The following UBE2E1 variants were observed in gnomAD, a reference collection of about 807,000 sequenced individuals.
UBE2E1 encodes the protein ubiquitin conjugating enzyme E2 E1.
Under a neutral mutation model 21.4 loss-of-function variants are expected in UBE2E1, and 6 were observed. The observed-to-expected ratio is 0.28, with a 90% CI of 0.15 to 0.55. The LOEUF is 0.55. Among genes scored for constraint, UBE2E1 ranks in the 20% least tolerant of loss-of-function variants. The probability of loss-of-function intolerance (pLI) is 0.93; values close to 1 mark genes in which losing one functional copy is unlikely to be tolerated. For synonymous variants in UBE2E1, 87 were observed against 82.7 expected, an observed-to-expected ratio of 1.05 and a Z score of -0.28; for missense variants, 142 against 236.5, an observed-to-expected ratio of 0.60 and a Z score of 2.62.
At chr3:23,878,917 C>A (rs1296158156) in intron 3 of UBE2E1, 4 of 358,868 alleles carry the variant, frequency 1.1e-5, no homozygotes, top group East Asian at 7.1e-5. Flanking sequence ...TCCCACCCCC[C>A]ATCTGTGGAA....
chr3:23,829,551 C>T (rs1187070559), intron 3 of UBE2E1, among the ~76,000 whole-genome samples: 2 of 152,110 alleles, frequency 1.3e-5, no homozygotes, highest in Non-Finnish European at 2.9e-5. Context: ...GTCCTTCTGC[C>T]TCAACCTCCC....
At chr3:23,838,986 T>G (rs1347316678) in intron 3 of UBE2E1, among the ~76,000 whole-genome samples, 6 of 152,016 alleles carry the variant, frequency 3.9e-5, no homozygotes, top group Non-Finnish European at 7.4e-5. Flanking sequence ...CTTTATAGAA[T>G]ACATCTTTAG....
In UBE2E1 at chr3:23,863,431, C is replaced by T. The variant is rs1203994553; in HGVS notation, c.204-24136C>T. Among the ~76,000 whole-genome samples, 2 of 152,142 alleles carry T rather than the reference C, an allele frequency of 1.3e-5. No homozygotes were observed. The highest frequency in any genetic ancestry group is 2.4e-5 in the African/African-American group (1 of 41,412). ...CCTCTGTGCCCTTCCCTACCCACTA[C>T]ATATATATACTTGTCACAAATTCAA... is the stretch of plus-strand genomic sequence containing the variant. On this transcript the variant is annotated intron_variant, in intron 3 of 5. Transcript: ENST00000306627. This position sits in a 1 kb window ranked among gnomAD's most constrained non-coding sequence, Gnocchi z 4.3.
intron 3 of UBE2E1, among the ~76,000 whole-genome samples, chr3:23,852,233 C>T (rs903359868): frequency 6.6e-6 from 1 of 152,144 alleles, no homozygotes; most frequent in African/African-American, 2.4e-5. Context: ...ACAAAATGGA[C>T]TAACACATGA....
At chr3:23,877,699 A>G (rs1052362423) in intron 3 of UBE2E1, among the ~76,000 whole-genome samples, 1 of 152,172 alleles carries the variant, frequency 6.6e-6, no homozygotes. Context: ...ACTTTATGTA[A>G]GTGACATAGA....
At position 23,816,423 on chromosome 3, in the gene UBE2E1, T is replaced by C. The variant is rs891782749; in HGVS notation, c.203+4913T>C. Among the ~76,000 whole-genome samples, 1 of 152,162 alleles carries C rather than the reference T, an allele frequency of 6.6e-6. No individual in the cohort carries two copies. The highest frequency in any genetic ancestry group is 6.5e-5 in the Admixed American group (1 of 15,274). On this transcript the variant is annotated intron_variant, in intron 3 of 5. Transcript: ENST00000306627. The surrounding 1 kb of genome is among the most constrained non-coding windows in gnomAD (Gnocchi z 4.8). ...GGTTGAACCTTAATGTTATACTAAG[T>C]GGGCTGGGCGCAGTGGATTACGCTT...
intron 4 of UBE2E1, 99 bp from the exon 5 acceptor site, chr3:23,889,013 A>C: frequency 8.0e-7 from 1 of 1,257,372 alleles, no homozygotes; most frequent in Non-Finnish European, 1.1e-6. Flanking sequence ...AGCTTTAATT[A>C]AAACTGCTTT....
chr3:23,858,991 A>T (rs960003678), intron 3 of UBE2E1, among the ~76,000 whole-genome samples: 1 of 151,400 alleles, frequency 6.6e-6, no homozygotes, highest in African/African-American at 2.4e-5. Flanking sequence ...ACAGTCCCCC[A>T]CCCCCCAATT....
intron 3 of UBE2E1, among the ~76,000 whole-genome samples, chr3:23,833,982 A>T (rs982328748): frequency 6.6e-6 from 1 of 152,204 alleles, no homozygotes; most frequent in Non-Finnish European, 1.5e-5. Context: ...CTGTCTCAAA[A>T]AAAAATAAAA....
At position 23,806,996 on chromosome 3, in the gene UBE2E1, A is replaced by C; in HGVS notation, c.-33-241A>C. 7 of 269,650 alleles carry C rather than the reference A, an allele frequency of 2.6e-5. No homozygotes were observed. The highest frequency in any genetic ancestry group is 2.2e-5 in the African/African-American group (1 of 45,238). 16.7% of individuals were successfully genotyped at this position (269,650 alleles called of 1,614,324 possible). A position where few individuals can be genotyped will look rare whatever the true frequency, so the allele number is the denominator to read the frequency against. On this transcript the variant is annotated intron_variant, in intron 1 of 5. Coordinates refer to ENST00000306627, the MANE Select transcript of UBE2E1 (RefSeq NM_003341.5). The surrounding 1 kb of genome is among the most constrained non-coding windows in gnomAD (Gnocchi z 6.5). ...AGCGGAGAGCCCCGGGGGGCGAGGG[A>C]GGGGCCTCTCTCCTAGCTCCAGACC...
At chr3:23,862,775 GCATGTAGTGGTGC>G (rs1470433981) in intron 3 of UBE2E1, among the ~76,000 whole-genome samples, 2 of 151,868 alleles carry the variant, frequency 1.3e-5, no homozygotes, top group African/African-American at 4.8e-5. Flanking sequence ...ACCCAGGTTG[GCATGTAGTGGTGC>G]CATCACGGCT....
chr3:23,850,681 G>GTTTTTTTT (rs550418701), intron 3 of UBE2E1, among the ~76,000 whole-genome samples: 2 of 104,320 alleles, frequency 1.9e-5, no homozygotes, highest in Non-Finnish European at 2.0e-5. Context: ...ACACCTGATT[G>GTTTTTTTT]TTTTTTTTTT....
intron 3 of UBE2E1, among the ~76,000 whole-genome samples, chr3:23,874,361 G>A (rs1235578805): frequency 6.6e-6 from 1 of 152,162 alleles, no homozygotes; most frequent in African/African-American, 2.4e-5. Context: ...GTCTGAACAA[G>A]ATGCTCTGCT....
chr3:23,867,602 G>A (rs1244570337), intron 3 of UBE2E1, among the ~76,000 whole-genome samples: 1 of 152,080 alleles, frequency 6.6e-6, no homozygotes, highest in African/African-American at 2.4e-5. Flanking sequence ...TCCTGTGTGG[G>A]CTCTCCGGTC....
At chr3:23,815,604 C>T (rs1699498127) in intron 3 of UBE2E1, among the ~76,000 whole-genome samples, 1 of 152,104 alleles carries the variant, frequency 6.6e-6, no homozygotes, top group Non-Finnish European at 1.5e-5. Context: ...AATGAGATGT[C>T]AGTTCAGAAG....
intron 3 of UBE2E1, among the ~76,000 whole-genome samples, chr3:23,819,324 CA>C (rs1484949416): frequency 9.9e-5 from 15 of 151,948 alleles, no homozygotes; most frequent in African/African-American, 3.6e-4. Context: ...GCTAGAGAGG[CA>C]GATGTAATGT....
rs369690021 is a variant in UBE2E1, at chr3:23,817,421, C to CAAA, written c.203+5926_203+5928dup. On this transcript the variant is annotated intron_variant, in intron 3 of 5. Transcript: ENST00000306627. ...TGGTTGACAGAGTGAGACTCTGTCT[C>CAAA]AAAAAAAAAAAAAAAAAGAAAGAAA... Among the ~76,000 whole-genome samples, 20 of 42,020 alleles carry CAAA rather than the reference C, an allele frequency of 4.8e-4. 1 individual carries two copies. The highest frequency in any genetic ancestry group is 7.4e-4 in the Admixed American group (3 of 4,042). The allele number at this position is 42,020 out of a possible 152,430, so 27.6% of individuals were successfully genotyped here. A position where few individuals can be genotyped will look rare whatever the true frequency, so the allele number is the denominator to read the frequency against.
In UBE2E1 at chr3:23,890,983, C is replaced by T. The variant is rs1701410512; in HGVS notation, c.*377C>T. 6.4e-6 allele frequency: 1 copy of T among 156,202 alleles called. No homozygotes were observed. Among genetic ancestry groups the T allele is most frequent in the East Asian group, 1.9e-4 (1 of 5,368 alleles). The allele number at this position is 156,202 out of a possible 1,614,324, so 9.7% of individuals were successfully genotyped here. ...AAGACTACATACTTTTTGTTTAAAA[C>T]AAAATTGGAATTTGTTTTCCCTTCT... On this transcript the variant is annotated 3_prime_UTR_variant, in exon 6 of 6. Coordinates refer to ENST00000306627, the MANE Select transcript of UBE2E1 (RefSeq NM_003341.5).
chr3:23,860,891 T>G (rs1700539955), intron 3 of UBE2E1, among the ~76,000 whole-genome samples: 1 of 152,182 alleles, frequency 6.6e-6, no homozygotes, highest in South Asian at 2.1e-4. Flanking sequence ...AAAATGAAGG[T>G]ACATGATTTG....
Sources: gnomAD v4.1 joint callset for allele counts (sites outside exome capture counted in the v4.1 genomes callset) on GRCh38, gnomAD v4.1.1 for gene constraint, Gnocchi (gnomAD v3.1) non-coding constraint, MANE v1.5 for transcripts, NCBI Gene and HGNC (gene_info 2026-07-23, HGNC 2026-07-21) for gene names.